Variants in KCNQ4 observed in about 807,000 individuals in gnomAD.
KCNQ4 encodes potassium voltage-gated channel subfamily KQT member 4.
A neutral mutation model predicts 72.6 loss-of-function variants in KCNQ4; 31 were observed. That is an observed-to-expected ratio of 0.43 (90% confidence interval 0.32 to 0.58). The LOEUF is 0.58. KCNQ4 is among the 20% of genes least tolerant of loss of function. The pLI is 0.08. For synonymous variants in KCNQ4, 405 were observed against 403.7 expected (o/e 1.00, Z -0.04); for missense variants, 869 against 962.6 (o/e 0.90, Z 1.29).
chr1:40,785,037 A>G (rs1647188398), intron 1 of KCNQ4, among the ~76,000 whole-genome samples: 1 of 152,156 alleles, frequency 6.6e-6, no homozygotes, highest in South Asian at 2.1e-4. Flanking sequence ...TCCCAGTGGC[A>G]ACGGCGGCCG....
chr1:40,825,289 G>A (rs1368043669), intron 9 of KCNQ4, among the ~76,000 whole-genome samples: 2 of 152,188 alleles, frequency 1.3e-5, no homozygotes, highest in East Asian at 3.8e-4. Flanking sequence ...GAGGCGAGCC[G>A]CCCAGTGATC....
rs2148317221 is a variant in KCNQ4 at position 40,817,441 on chromosome 1, A to G, written c.405+86A>G. The G allele has an allele frequency of 2.1e-6, 2 of 962,472 alleles. No individual in the cohort carries two copies. The highest frequency in any genetic ancestry group is 3.1e-5 in the South Asian group (2 of 64,858). The allele number at this position is 962,472 out of a possible 1,614,324, so 59.6% of individuals were successfully genotyped here. On this transcript the variant is annotated intron_variant, in intron 2 of 13. Transcript: ENST00000347132. This position sits in a 1 kb window ranked among gnomAD's most constrained non-coding sequence, Gnocchi z 5.5. Reference sequence around the variant, plus strand: ...GTCCGGGACTGAGGGGGGCTGTGTGAGGTAGCACCTCTGGGCTGGGAGTCC... The same window carrying G: ...GTCCGGGACTGAGGGGGGCTGTGTGGGGTAGCACCTCTGGGCTGGGAGTCC...
intron 13 of KCNQ4, 111 bp from the exon 14 acceptor site, chr1:40,838,200 A>G (rs1285242759): frequency 1.1e-6 from 1 of 925,416 alleles, no homozygotes; most frequent in Non-Finnish European, 1.7e-6. Context: ...TGCTTCCCAG[A>G]TAAGCCCCGC....
Position 40,823,692 on chromosome 1 carries a change from G to A in KCNQ4, c.1131-405G>A, listed in dbSNP as rs1010472. Among the ~76,000 whole-genome samples the A allele has an allele frequency of 1.3e-3, 194 of 152,314 alleles. 1 individual carries two copies. The highest frequency in any genetic ancestry group is 4.5e-3 in the African/African-American group (189 of 41,552). On this transcript the variant is annotated intron_variant, in intron 8 of 13. Transcript: ENST00000347132. The stretch of plus-strand genomic sequence containing the variant: ...GTGAGTGCTGGAGGGGAAGGAAGCT[G>A]GGCTAGCCACCCTGTCACACCGCCC...
chr1:40,785,139 AAAAG>A (rs1647189653), intron 1 of KCNQ4, among the ~76,000 whole-genome samples: 2 of 152,228 alleles, frequency 1.3e-5, no homozygotes, highest in Admixed American at 1.3e-4. Flanking sequence ...CACCAGGGGA[AAAAG>A]AAAGAGGAGA....
At chr1:40,813,949 G>C (rs190780631) in intron 1 of KCNQ4, among the ~76,000 whole-genome samples, 2 of 150,906 alleles carry the variant, frequency 1.3e-5, no homozygotes, top group Admixed American at 1.3e-4. Context: ...GGGTTTCACC[G>C]TGTTAGTCAG....
chr1:40,822,212 A>AC, intron 7 of KCNQ4, 102 bp from the exon 8 acceptor site: 1 of 986,104 alleles, frequency 1.0e-6, no homozygotes, highest in Non-Finnish European at 1.6e-6. Context: ...GCTCTGGGTA[A>AC]CCCACAACTG....
intron 5 of KCNQ4, among the ~76,000 whole-genome samples, 175 bp downstream of exon 5, chr1:40,819,647 G>A (rs1173606633): frequency 6.6e-6 from 1 of 151,598 alleles, no homozygotes; most frequent in Non-Finnish European, 1.5e-5. Flanking sequence ...ACCTGCTCTG[G>A]TGGACCTGCC....
At chr1:40,813,733 CTTGTTTTTGTTT>C (rs550707773) in intron 1 of KCNQ4, among the ~76,000 whole-genome samples, 61 of 151,816 alleles carry the variant, frequency 4.0e-4, no homozygotes, top group African/African-American at 6.8e-4. Flanking sequence ...GTGGGCTTTT[CTTGTTTTTGTTT>C]TTGTTTTTGT....
intron 11 of KCNQ4, among the ~76,000 whole-genome samples, chr1:40,834,054 A>C (rs895839373): frequency 3.3e-5 from 5 of 151,424 alleles, no homozygotes; most frequent in African/African-American, 9.7e-5. Flanking sequence ...ACCTGTCCCC[A>C]CTACCCCCCA....
intron 1 of KCNQ4, among the ~76,000 whole-genome samples, chr1:40,816,841 C>G (rs952129269): frequency 1.3e-5 from 2 of 152,222 alleles, no homozygotes; most frequent in Non-Finnish European, 2.9e-5. Flanking sequence ...AAGAAGGTCC[C>G]TCCTTCATCC....
rs1209176822 is a variant in KCNQ4 at position 40,796,832 on chromosome 1, C to T, written c.314+12425C>T. On this transcript the variant is annotated intron_variant, in intron 1 of 13. Coordinates refer to ENST00000347132, the MANE Select transcript of KCNQ4 (RefSeq NM_004700.4). The stretch of plus-strand genomic sequence containing the variant: ...ACTTGGGAGGTTGAGGCATCAGAAT[C>T]GCTTAAACCCGGGAGGTAGAGGTTG... Among the ~76,000 whole-genome samples the T allele has an allele frequency of 2.6e-5, 4 of 152,062 alleles. No homozygotes were observed. The South Asian group carries it at 6.2e-4, about 24-fold the overall frequency.
At chr1:40,831,601 C>A (rs535198164) in intron 10 of KCNQ4, among the ~76,000 whole-genome samples, 1 of 152,148 alleles carries the variant, frequency 6.6e-6, no homozygotes, top group Non-Finnish European at 1.5e-5. Context: ...TTATCTTAGG[C>A]GAGTGACCTA....
intron 8 of KCNQ4, among the ~76,000 whole-genome samples, chr1:40,822,995 A>G (rs1022941221): frequency 6.6e-6 from 1 of 152,232 alleles, no homozygotes; most frequent in Non-Finnish European, 1.5e-5. Context: ...GCGTGTGGCC[A>G]GGTGCCTGGC....
In KCNQ4 at chr1:40,819,370, C is replaced by T. The variant is rs1387724764; in HGVS notation, c.732C>T (p.Ile244=). 1 of 1,613,838 alleles carries T rather than the reference C, an allele frequency of 6.2e-7. No individual in the cohort carries two copies. Among genetic ancestry groups the T allele is most frequent in the East Asian group, 2.2e-5 (1 of 44,868 alleles). Residue 244 remains isoleucine (I), a synonymous_variant, in exon 5 of 14, where the codon ATC becomes ATT. Transcript: ENST00000347132. ...HSKELITAWY[I]GFLVLIFASF... is the part of the protein sequence containing the mutation. Reference sequence around the variant, plus strand: ...AGGAGCTGATCACCGCCTGGTACATCGGGTTCCTGGTGCTCATCTTCGCCT... The same window carrying T: ...AGGAGCTGATCACCGCCTGGTACATTGGGTTCCTGGTGCTCATCTTCGCCT...
Position 40,838,617 on chromosome 1 carries a change from C to A in KCNQ4, c.*94C>A. Reference sequence around the variant, plus strand: ...CCTCCGGACTCCTCTCGTACTTGAACTCACTCCCTCACGGGGAGAGAGACC... The same window carrying A: ...CCTCCGGACTCCTCTCGTACTTGAAATCACTCCCTCACGGGGAGAGAGACC... On this transcript the variant is annotated 3_prime_UTR_variant, in exon 14 of 14. Coordinates refer to ENST00000347132, the MANE Select transcript of KCNQ4 (RefSeq NM_004700.4). The A allele has an allele frequency of 8.7e-7, 1 of 1,146,490 alleles. No individual in the cohort carries two copies. The highest frequency in any genetic ancestry group is 1.3e-6 in the Non-Finnish European group (1 of 764,472). 71.0% of individuals were successfully genotyped at this position (1,146,490 alleles called of 1,614,324 possible).
In KCNQ4 at chr1:40,788,705, G is replaced by A. The variant is rs978680918; in HGVS notation, c.314+4298G>A. On this transcript the variant is annotated intron_variant, in intron 1 of 13. Coordinates refer to ENST00000347132, the MANE Select transcript of KCNQ4 (RefSeq NM_004700.4). The surrounding 1 kb of genome is among the most constrained non-coding windows in gnomAD (Gnocchi z 4.5). ...GGCTCCTCAAGAACAGCACTCCTGT[G>A]TCATCTGTCCGTCCATCCCAGCACC... Among the ~76,000 whole-genome samples the A allele has an allele frequency of 6.6e-6, 1 of 152,196 alleles. No individual in the cohort carries two copies. The highest frequency in any genetic ancestry group is 2.4e-5 in the African/African-American group (1 of 41,452).
rs982728141 is a variant in KCNQ4 at position 40,838,383 on chromosome 1, G to A, written c.1948G>A (p.Ala650Thr). ...GCGCTGCCTGCGCTCTGGCACCTCG[G>A]CCAGCCTGGGCGCCGTGCAAGTGCC... is the stretch of plus-strand genomic sequence containing the variant. ...YSRCLRSGTS[A>T]SLGAVQVPLF... Residue 650 changes from alanine to threonine, a missense_variant, in exon 14 of 14, where the codon GCC becomes ACC. Physicochemically the swap from Ala to Thr is moderately conservative, Grantham distance 58. Transcript: ENST00000347132. 1 of 1,614,042 alleles carries A rather than the reference G, an allele frequency of 6.2e-7. No individual in the cohort carries two copies. The highest frequency in any genetic ancestry group is 1.3e-5 in the African/African-American group (1 of 75,054).
intron 4 of KCNQ4, chr1:40,818,923 C>T (rs2148318825): frequency 1.6e-6 from 1 of 610,220 alleles, no homozygotes; most frequent in East Asian, 2.8e-5. Flanking sequence ...AGAGGCGGGG[C>T]TTGAGGGTTT....
Sources: allele counts gnomAD v4.1 joint callset (sites outside exome capture counted in the v4.1 genomes callset), GRCh38; gene constraint gnomAD v4.1.1; non-coding constraint Gnocchi (gnomAD v3.1); transcripts MANE v1.5; gene names NCBI Gene and HGNC (gene_info 2026-07-23, HGNC 2026-07-21).